Variants in GPC5 observed in about 807,000 individuals in gnomAD.
GPC5 encodes glypican 5, also known as glypican-5.
Under a neutral mutation model 53.9 loss-of-function variants are expected in GPC5, and 47 were observed. The ratio of observed to expected loss-of-function variants is 0.87; its 90% CI spans 0.69 to 1.11. The LOEUF (loss-of-function observed/expected upper bound fraction) is 1.11, where lower values mean the gene tolerates loss of function less well. GPC5 is among the 50% of genes most tolerant of loss of function. The probability of loss-of-function intolerance (pLI) is 0.00; values close to 1 mark genes in which losing one functional copy is unlikely to be tolerated. For synonymous variants in GPC5, 286 were observed against 263.3 expected (o/e 1.09, Z -0.84); for missense variants, 748 against 713.1 (o/e 1.05, Z -0.56).
At chr13:92,223,489 A>T (rs1390380369) in intron 7 of GPC5, among the ~76,000 whole-genome samples, 1 of 152,114 alleles carries the variant, frequency 6.6e-6, no homozygotes, top group African/African-American at 2.4e-5. Context: ...TTTGTGTACT[A>T]TTTTTTATAG....
intron 7 of GPC5, among the ~76,000 whole-genome samples, chr13:92,292,878 A>G (rs560342197): frequency 6.6e-6 from 1 of 152,188 alleles, no homozygotes; most frequent in South Asian, 2.1e-4. Flanking sequence ...TCATTCTCCT[A>G]CATGTGGCTA....
chr13:91,692,511 A>G (rs2035777895), intron 2 of GPC5, among the ~76,000 whole-genome samples: 2 of 152,178 alleles, frequency 1.3e-5, no homozygotes, highest in African/African-American at 4.8e-5. Flanking sequence ...ACTTAATGTG[A>G]CCATCTTTTA....
chr13:91,636,251 A>G (rs2034281690), intron 2 of GPC5, among the ~76,000 whole-genome samples: 1 of 152,144 alleles, frequency 6.6e-6, no homozygotes, highest in Non-Finnish European at 1.5e-5. Flanking sequence ...TGGCACAGAT[A>G]TGTTGTTTTA....
At chr13:91,893,862 C>G (rs2039413614) in intron 5 of GPC5, among the ~76,000 whole-genome samples, 1 of 151,878 alleles carries the variant, frequency 6.6e-6, no homozygotes, top group Non-Finnish European at 1.5e-5. Context: ...AAACAAAATC[C>G]CCGTGTGGCC....
intron 7 of GPC5, among the ~76,000 whole-genome samples, chr13:92,195,598 G>C (rs2042251470): frequency 6.6e-6 from 1 of 152,112 alleles, no homozygotes; most frequent in Non-Finnish European, 1.5e-5. Context: ...AAATGGGTCA[G>C]TAGCCATGGT....
intron 2 of GPC5, among the ~76,000 whole-genome samples, chr13:91,494,778 C>A (rs1050482165): frequency 2.0e-5 from 3 of 152,120 alleles, no homozygotes; most frequent in African/African-American, 7.2e-5. Context: ...TTTTCTCCCC[C>A]CTTATTGACT....
At chr13:91,708,236 C>T (rs1277363804) in intron 3 of GPC5, among the ~76,000 whole-genome samples, 1 of 151,832 alleles carries the variant, frequency 6.6e-6, no homozygotes. Flanking sequence ...GATTCCTTGG[C>T]TATTTCTGAT....
At position 91,954,632 on chromosome 13, in the gene GPC5, C is replaced by G. The variant is rs191375626; in HGVS notation, c.1401+46575C>G. On this transcript the variant is annotated intron_variant, in intron 6 of 7. Coordinates refer to ENST00000377067, the MANE Select transcript of GPC5 (RefSeq NM_004466.6). ...AAAAAGAAAATCCATGAACAAACTCCAAAGGCTGTAATTAAATGTAAATAA... is the reference window on the plus strand; with the variant it reads ...AAAAAGAAAATCCATGAACAAACTCGAAAGGCTGTAATTAAATGTAAATAA... 2.2e-3 allele frequency among the ~76,000 whole-genome samples: 327 copies of G among 152,078 alleles called. 2 individuals are homozygous for G. Among genetic ancestry groups the G allele is most frequent in the Non-Finnish European group, 3.6e-3 (242 of 67,956 alleles).
chr13:91,435,222 AT>A (rs1239095788), intron 1 of GPC5, among the ~76,000 whole-genome samples: 1 of 152,138 alleles, frequency 6.6e-6, no homozygotes, highest in Non-Finnish European at 1.5e-5. Flanking sequence ...TTCCAACACT[AT>A]GTTGATAGGC....
At chr13:91,498,977 A>AT (rs1884468419) in intron 2 of GPC5, among the ~76,000 whole-genome samples, 1 of 151,438 alleles carries the variant, frequency 6.6e-6, no homozygotes, top group African/African-American at 2.4e-5. Flanking sequence ...CCTCTCAAAA[A>AT]AAAAGAAAAA....
intron 6 of GPC5, among the ~76,000 whole-genome samples, chr13:92,040,886 T>C (rs2040936502): frequency 6.6e-6 from 1 of 152,240 alleles, no homozygotes; most frequent in Non-Finnish European, 1.5e-5. Flanking sequence ...GTTTTGCTTT[T>C]GTTACCCAGG....
intron 2 of GPC5, among the ~76,000 whole-genome samples, chr13:91,538,147 T>G (rs1443291229): frequency 6.6e-6 from 1 of 152,206 alleles, no homozygotes; most frequent in South Asian, 2.1e-4. Flanking sequence ...GAGGTATGAC[T>G]TTTGGATATT....
intron 7 of GPC5, among the ~76,000 whole-genome samples, chr13:92,166,138 C>G (rs1295509254): frequency 2.0e-5 from 3 of 152,102 alleles, no homozygotes; most frequent in East Asian, 1.9e-4. Flanking sequence ...AGTCTAAATA[C>G]CTGAACAAGT....
intron 7 of GPC5, among the ~76,000 whole-genome samples, chr13:92,542,754 C>G (rs141473440): frequency 1.1e-4 from 16 of 152,082 alleles, no homozygotes; most frequent in African/African-American, 2.9e-4. Flanking sequence ...CCGTTAGGTA[C>G]AGTATTCTTG....
chr13:92,004,215 G>A (rs771005520), intron 6 of GPC5, among the ~76,000 whole-genome samples: 3 of 151,766 alleles, frequency 2.0e-5, no homozygotes. Context: ...GGGAGGCTGA[G>A]GTAGGTGGAT....
intron 5 of GPC5, among the ~76,000 whole-genome samples, chr13:91,840,081 C>G (rs979560135): frequency 3.9e-5 from 6 of 152,060 alleles, no homozygotes; most frequent in African/African-American, 1.4e-4. Context: ...TCCCCCATCC[C>G]TGGCTGTGAA....
At position 91,908,001 on chromosome 13, in the gene GPC5, A is replaced by G. The variant is rs780454774; in HGVS notation, c.1345A>G (p.Lys449Glu). ...GTCTGGAAATCCTGAAGTCAAAGTC[A>G]AAGGAATTGATCCTGTGATAAATCA... The part of the protein sequence containing the change: ...AQSGNPEVKV[K>E]GIDPVINQII... The change falls in exon 6 of 8, where the codon AAA becomes GAA. Residue 449 changes from lysine to glutamate, a missense_variant. By Grantham distance (56) the Lys-to-Glu change is moderately conservative. Transcript: ENST00000377067. 3.1e-6 allele frequency: 5 copies of G among 1,595,078 alleles called. No individual in the cohort carries two copies. In the African/African-American group the frequency reaches 5.4e-5, roughly 17 times the overall value.
intron 7 of GPC5, among the ~76,000 whole-genome samples, chr13:92,610,347 A>G (rs1594344467): frequency 6.6e-6 from 1 of 152,134 alleles, no homozygotes; most frequent in Non-Finnish European, 1.5e-5. Flanking sequence ...AGATCTCAAA[A>G]TTTTCCTAAT....
chr13:92,169,665 C>T (rs77340674), intron 7 of GPC5, among the ~76,000 whole-genome samples: 1,932 of 152,042 alleles, frequency 0.013, 33 homozygotes, highest in African/African-American at 0.044. Flanking sequence ...AAAATTAAAA[C>T]GTACAATCCA....
Sources: gnomAD v4.1 joint callset for allele counts (sites outside exome capture counted in the v4.1 genomes callset) on GRCh38, gnomAD v4.1.1 for gene constraint, MANE v1.5 for transcripts, NCBI Gene and HGNC (gene_info 2026-07-23, HGNC 2026-07-21) for gene names.